Variants in P4HB observed in about 807,000 individuals in gnomAD.
The protein encoded by P4HB is prolyl 4-hydroxylase subunit beta, also known as protein disulfide-isomerase.
Under a neutral mutation model 52.6 loss-of-function variants are expected in P4HB, and 20 were observed. That is an observed-to-expected ratio of 0.38 (90% confidence interval 0.27 to 0.55). The LOEUF is 0.55. Ranked by LOEUF, P4HB falls within the 20% of genes least tolerant of loss-of-function variation. The probability of loss-of-function intolerance (pLI) is 0.74; values close to 1 mark genes in which losing one functional copy is unlikely to be tolerated. For synonymous variants in P4HB, 296 were observed against 277.9 expected, an observed-to-expected ratio of 1.07 and a Z score of -0.65; for missense variants, 601 against 669.2, an observed-to-expected ratio of 0.90 and a Z score of 1.12.
rs202131032 is a variant in P4HB at position 81,843,238 on chromosome 17, G to A, written c.*774C>T. 5.1e-5 allele frequency: 19 copies of A among 371,954 alleles called. No homozygotes were observed. In the South Asian group the frequency reaches 1.8e-3, roughly 34 times the overall value. 23.0% of individuals were successfully genotyped at this position (371,954 alleles called of 1,614,324 possible). ...TAGAAATGCCTGAAGAACTGTCAGCGTCTGATTCAGCTCCAGCATCCTTGG... is the reference window on the plus strand; with the variant it reads ...TAGAAATGCCTGAAGAACTGTCAGCATCTGATTCAGCTCCAGCATCCTTGG... On this transcript the variant is annotated 3_prime_UTR_variant, in exon 11 of 11. Transcript: ENST00000331483.
In P4HB at chr17:81,843,704, A is replaced by G. The variant is rs947701820; in HGVS notation, c.*308T>C. The G allele has an allele frequency of 7.0e-6, 3 of 430,318 alleles. No homozygotes were observed. In the East Asian group the frequency reaches 1.0e-4, roughly 15 times the overall value. The allele number at this position is 430,318 out of a possible 1,614,324, so 26.7% of individuals were successfully genotyped here. On this transcript the variant is annotated 3_prime_UTR_variant, in exon 11 of 11. Transcript: ENST00000331483. ...AACCTCCCGCGGGAGGGAGGCAGCGAGACTCCGAACACGGTAGCAAGCACT... is the reference window on the plus strand; with the variant it reads ...AACCTCCCGCGGGAGGGAGGCAGCGGGACTCCGAACACGGTAGCAAGCACT...
At position 81,846,916 on chromosome 17, in the gene P4HB, G is replaced by A. The variant is rs368764738; in HGVS notation, c.855+31C>T. 21 of 1,612,452 alleles carry A rather than the reference G, an allele frequency of 1.3e-5. No homozygotes were observed. Among genetic ancestry groups the A allele is most frequent in the Middle Eastern group, 2.0e-4 (1 of 5,124 alleles). On this transcript the variant is annotated intron_variant, in intron 6 of 10. Coordinates refer to ENST00000331483, the MANE Select transcript of P4HB (RefSeq NM_000918.4). This position sits in a 1 kb window ranked among gnomAD's most constrained non-coding sequence, Gnocchi z 5.7. ...AAGAGTTGTACTGCTCCCTGGCACC[G>A]CCCCACGAGCCACCCAGAAGAGCAG...
chr17:81,859,228 A>G lies in P4HB; in HGVS notation c.305T>C (p.Ile102Thr). 6.2e-7 allele frequency: 1 copy of G among 1,613,992 alleles called. No homozygotes were observed. Among genetic ancestry groups the G allele is most frequent in the Non-Finnish European group, 8.5e-7 (1 of 1,180,014 alleles). ...QQYGVRGYPT[I>T]KFFRNGDTAS... is the part of the protein sequence containing the mutation. The stretch of plus-strand genomic sequence containing the variant: ...CGTGTCTCCATTCCTGAAGAACTTG[A>G]TGGTGGGATAGCCGCGCACGCCGTA... The change falls in exon 2 of 11, where the codon ATC (isoleucine) becomes ACC (threonine). Residue 102 changes from isoleucine to threonine, a missense_variant. By Grantham distance (89) the Ile-to-Thr change is moderately conservative. Coordinates refer to ENST00000331483, the MANE Select transcript of P4HB (RefSeq NM_000918.4).
At position 81,846,800 on chromosome 17, in the gene P4HB, G is replaced by T; in HGVS notation, c.855+147C>A. Reference sequence around the variant, plus strand: ...TGGGAGCAGAGGTCTGGCCTGGCTGGCCCCTCGCCTACATCCAGGCTGTCC... The same window carrying T: ...TGGGAGCAGAGGTCTGGCCTGGCTGTCCCCTCGCCTACATCCAGGCTGTCC... On this transcript the variant is annotated intron_variant, in intron 6 of 10. Coordinates refer to ENST00000331483, the MANE Select transcript of P4HB (RefSeq NM_000918.4). This position sits in a 1 kb window ranked among gnomAD's most constrained non-coding sequence, Gnocchi z 5.7. 1.6e-6 allele frequency: 2 copies of T among 1,233,998 alleles called. No individual in the cohort carries two copies. The highest frequency in any genetic ancestry group is 1.3e-5 in the South Asian group (1 of 74,758). 76.4% of individuals were successfully genotyped at this position (1,233,998 alleles called of 1,614,324 possible).
rs145146947 is a variant in P4HB at position 81,847,015 on chromosome 17, T to G, written c.787A>C (p.Lys263Gln). 170 of 1,613,972 alleles carry G rather than the reference T, an allele frequency of 1.1e-4. No homozygotes were observed. Among genetic ancestry groups the G allele is most frequent in the East Asian group, 1.3e-4 (6 of 44,900 alleles). ...IKTHILLFLP[K>Q]SVSDYDGKLS... ...TTGCCGTCATAGTCAGACACACTCT[T>G]GGGCAAGAACAGCAGGATGTGAGTC... Residue 263 changes from lysine (K) to glutamine (Q), a missense_variant, in exon 6 of 11, where the codon AAG becomes CAG. By Grantham distance (53) the Lys-to-Gln change is moderately conservative (BLOSUM62 1). Transcript: ENST00000331483.
chr17:81,851,434 G>A (rs1391572709), intron 4 of P4HB, among the ~76,000 whole-genome samples: 3 of 152,204 alleles, frequency 2.0e-5, no homozygotes, highest in Admixed American at 6.5e-5. Flanking sequence ...CACCCTGCCC[G>A]AACCCGAGGG....
At position 81,860,412 on chromosome 17, in the gene P4HB, G is replaced by A; in HGVS notation, c.60C>T (p.Pro20=). 7.0e-7 allele frequency: 1 copy of A among 1,437,346 alleles called. No homozygotes were observed. 89.0% of individuals were successfully genotyped at this position (1,437,346 alleles called of 1,614,324 possible). A position where few individuals can be genotyped will look rare whatever the true frequency, so the allele number is the denominator to read the frequency against. The change falls in exon 1 of 11, where the codon CCC becomes CCT. Residue 20 remains proline (P), a synonymous_variant. Coordinates refer to ENST00000331483, the MANE Select transcript of P4HB (RefSeq NM_000918.4). ...GCACCAGGACGTGGTCCTCCTCCTC[G>A]GGGGCGTCGGCGCGCACCAGGGCGG... ...AVAALVRADA[P]EEEDHVLVLR...
chr17:81,855,576 C>A lies in P4HB; in HGVS notation c.363G>T (p.Glu121Asp). Reference protein sequence around the residue: ...ASPKEYTAGREADDIVNWLKK... With the variant: ...ASPKEYTAGRDADDIVNWLKK... ...TCAGCCAGTTCACGATGTCATCAGCCTCTCTGCCAGCTAACCCCAAACAAA... is the reference window on the plus strand; with the variant it reads ...TCAGCCAGTTCACGATGTCATCAGCATCTCTGCCAGCTAACCCCAAACAAA... Residue 121 changes from glutamate (E) to aspartate (D), a missense_variant, in exon 3 of 11, where the codon GAG becomes GAT. Glu to Asp is a conservative substitution (Grantham distance 45). Coordinates refer to ENST00000331483, the MANE Select transcript of P4HB (RefSeq NM_000918.4). This position sits in a 1 kb window ranked among gnomAD's most constrained non-coding sequence, Gnocchi z 4.3. The A allele has an allele frequency of 6.2e-7, 1 of 1,613,554 alleles. No individual in the cohort carries two copies. The highest frequency in any genetic ancestry group is 1.1e-5 in the South Asian group (1 of 91,046).
Position 81,855,040 on chromosome 17 carries a change from A to G in P4HB, c.624+102T>C. ...CTGCAGAACATACCTATTGGGCCAA[A>G]GGTGCCAGGAGCAAGGTTCCCTTAA... On this transcript the variant is annotated intron_variant, in intron 4 of 10. Transcript: ENST00000331483. The surrounding 1 kb of genome is among the most constrained non-coding windows in gnomAD (Gnocchi z 4.3). 8.6e-7 allele frequency: 1 copy of G among 1,168,252 alleles called. No homozygotes were observed. The highest frequency in any genetic ancestry group is 1.3e-6 in the Non-Finnish European group (1 of 790,394). The allele number at this position is 1,168,252 out of a possible 1,614,324, so 72.4% of individuals were successfully genotyped here.
chr17:81,859,364 T>G lies in P4HB; in HGVS notation c.169A>C (p.Lys57Gln). The change falls in exon 2 of 11, where the codon AAG becomes CAG. Residue 57 changes from lysine (K) to glutamine (Q), a missense_variant. By Grantham distance (53) the Lys-to-Gln change is moderately conservative. Transcript: ENST00000331483. ...EFYAPWCGHC[K>Q]ALAPEYAKAA... Reference sequence around the variant, plus strand: ...TTGGCATACTCAGGGGCCAGAGCCTTGCAGTGGCCACACCAAGGGGCATCT... The same window carrying G: ...TTGGCATACTCAGGGGCCAGAGCCTGGCAGTGGCCACACCAAGGGGCATCT... 1 of 1,613,758 alleles carries G rather than the reference T, an allele frequency of 6.2e-7. No homozygotes were observed. The highest frequency in any genetic ancestry group is 8.5e-7 in the Non-Finnish European group (1 of 1,179,988).
chr17:81,845,343 C>T (rs1345820383), intron 9 of P4HB, 113 bp from the exon 10 acceptor site: 29 of 963,652 alleles, frequency 3.0e-5, no homozygotes, highest in Non-Finnish European at 4.2e-5. Flanking sequence ...GTGGCTCACA[C>T]CCGGAATCCA....
At chr17:81,851,890 C>T (rs908104407) in intron 4 of P4HB, among the ~76,000 whole-genome samples, 5 of 152,214 alleles carry the variant, frequency 3.3e-5, no homozygotes, top group Non-Finnish European at 5.9e-5. Flanking sequence ...AGCATAGAAA[C>T]GCCCAATGCA....
At chr17:81,847,642 C>A in intron 4 of P4HB, 1 of 461,484 alleles carries the variant, frequency 2.2e-6, no homozygotes, top group Non-Finnish European at 4.0e-6. Context: ...CCCAGGGCCC[C>A]TAGCCTTTTC....
chr17:81,847,368 C>A (rs2038753684), intron 4 of P4HB, 21 bp from the exon 5 acceptor site: 4 of 1,592,146 alleles, frequency 2.5e-6, no homozygotes, highest in Non-Finnish European at 3.4e-6. Context: ...AAAGAGGGCC[C>A]TGACTGAGCA....
intron 4 of P4HB, among the ~76,000 whole-genome samples, chr17:81,851,198 G>A (rs1019940084): frequency 8.5e-5 from 13 of 152,214 alleles, no homozygotes; most frequent in African/African-American, 2.9e-4. Context: ...CCAAAGTGCT[G>A]GGATTACAGG....
chr17:81,855,142 C>G lies in P4HB; in HGVS notation c.624G>C (p.Lys208Asn). ...LDKDGVVLFKKFDEGRNNFEG... is the reference protein window; with the variant it reads ...LDKDGVVLFKNFDEGRNNFEG... ...GGCAGAGCTGCCTGGGGCCACTCAC[C>G]TTCTTAAAGAGGACAACCCCATCTT... The change falls in exon 4 of 11, where the codon AAG becomes AAC. Residue 208 changes from lysine (K) to asparagine (N), a missense_variant and splice_region_variant. Lys to Asn is a moderately conservative substitution (Grantham distance 94). Transcript: ENST00000331483. The surrounding 1 kb of genome is among the most constrained non-coding windows in gnomAD (Gnocchi z 4.3). The G allele has an allele frequency of 6.2e-7, 1 of 1,614,100 alleles. No individual in the cohort carries two copies. The highest frequency in any genetic ancestry group is 8.5e-7 in the Non-Finnish European group (1 of 1,180,016).
rs1332029522 is a variant in P4HB, at chr17:81,845,152, C to A, written c.1438G>T (p.Asp480Tyr). ...GCTGTGACCCCACTCACGTCATCAT[C>A]CCCTGCCCCATCCTGGCCACCGCTC... The part of the protein sequence containing the change: ...LESGGQDGAG[D>Y]DDDLEDLEEA... Residue 480 changes from aspartate to tyrosine, a missense_variant, in exon 10 of 11, where the codon GAT becomes TAT. Asp to Tyr is a radical substitution (Grantham distance 160). Transcript: ENST00000331483. 6.2e-7 allele frequency: 1 copy of A among 1,612,638 alleles called. No homozygotes were observed. The highest frequency in any genetic ancestry group is 1.3e-5 in the African/African-American group (1 of 75,038).
In P4HB at chr17:81,846,687, CCT is replaced by C. The variant is rs1485570636; in HGVS notation, c.856-60_856-59del. 1.6e-5 allele frequency: 24 copies of C among 1,536,350 alleles called. No individual in the cohort carries two copies. The highest frequency in any genetic ancestry group is 1.1e-5 in the Non-Finnish European group (12 of 1,118,430). On this transcript the variant is annotated intron_variant, in intron 6 of 10. Coordinates refer to ENST00000331483, the MANE Select transcript of P4HB (RefSeq NM_000918.4). This position sits in a 1 kb window ranked among gnomAD's most constrained non-coding sequence, Gnocchi z 5.7. ...GAGACGGCTGGCCTCTGCCTCCAGC[CCT>C]GACTTTGCTCGGAAGCAGACCGTGC...
Position 81,847,040 on chromosome 17 carries a change from C to T in P4HB, c.762G>A (p.Lys254=), listed in dbSNP as rs1313666341. The change falls in exon 6 of 11, where the codon AAG becomes AAA. Residue 254 remains lysine, a synonymous_variant. Transcript: ENST00000331483. Reference sequence around the variant, plus strand: ...TGGGCAAGAACAGCAGGATGTGAGTCTTGATTTCACCTCCAAAAATCTTCG... The same window carrying T: ...TGGGCAAGAACAGCAGGATGTGAGTTTTGATTTCACCTCCAAAAATCTTCG... ...TAPKIFGGEI[K]THILLFLPKS... 1 of 1,614,042 alleles carries T rather than the reference C, an allele frequency of 6.2e-7. No individual in the cohort carries two copies. Among genetic ancestry groups the T allele is most frequent in the South Asian group, 1.1e-5 (1 of 91,078 alleles).
Sources: gnomAD v4.1 joint callset for allele counts (sites outside exome capture counted in the v4.1 genomes callset) on GRCh38, gnomAD v4.1.1 for gene constraint, Gnocchi (gnomAD v3.1) non-coding constraint, MANE v1.5 for transcripts, NCBI Gene and HGNC (gene_info 2026-07-23, HGNC 2026-07-21) for gene names.